Variants in SORBS2 observed in about 807,000 individuals in gnomAD.
SORBS2 encodes sorbin and SH3 domain-containing protein 2.
SORBS2 carries 46 observed loss-of-function variants against 97.7 expected under a neutral mutation model. That is an observed-to-expected ratio of 0.47 (90% CI 0.37 to 0.60). SORBS2 has a LOEUF of 0.60. Among genes scored for constraint, SORBS2 ranks in the 20% least tolerant of loss-of-function variants. SORBS2 has a pLI of 0.00. For synonymous variants in SORBS2, 476 were observed against 473.4 expected, an observed-to-expected ratio of 1.01 and a Z score of -0.07; for missense variants, 1,316 against 1,282.3, an observed-to-expected ratio of 1.03 and a Z score of -0.40.
intron 2 of SORBS2, among the ~76,000 whole-genome samples, chr4:185,688,365 TAAAG>T (rs2098014497): frequency 6.6e-6 from 1 of 152,140 alleles, no homozygotes; most frequent in South Asian, 2.1e-4. Context: ...TATCTATCAA[TAAAG>T]AGATATATTC....
At chr4:185,906,260 T>C (rs2099250775) in intron 1 of SORBS2, among the ~76,000 whole-genome samples, 2 of 151,906 alleles carry the variant, frequency 1.3e-5, no homozygotes, top group Non-Finnish European at 1.5e-5. Context: ...CTCAAACTCC[T>C]GACCTCAGGT....
At chr4:185,699,131 G>A (rs966212970) in intron 2 of SORBS2, among the ~76,000 whole-genome samples, 2 of 152,034 alleles carry the variant, frequency 1.3e-5, no homozygotes, top group African/African-American at 4.8e-5. Context: ...ACAAATTCAT[G>A]TTTATATGTG....
At chr4:185,850,347 C>T (rs541862246) in intron 1 of SORBS2, among the ~76,000 whole-genome samples, 188 of 152,312 alleles carry the variant, frequency 1.2e-3, no homozygotes, top group African/African-American at 4.3e-3. Context: ...TAACATTCTG[C>T]TGACTTGTCC....
chr4:185,920,488 C>T (rs938418140), intron 1 of SORBS2, among the ~76,000 whole-genome samples: 1 of 152,154 alleles, frequency 6.6e-6, no homozygotes, highest in African/African-American at 2.4e-5. Context: ...CATCTTGCAT[C>T]GCCATACAAA....
At chr4:185,931,101 T>C (rs1055085910) in intron 1 of SORBS2, among the ~76,000 whole-genome samples, 7 of 152,210 alleles carry the variant, frequency 4.6e-5, no homozygotes, top group Non-Finnish European at 4.4e-5. Context: ...TACACAGAAT[T>C]ACATACATTA....
intron 2 of SORBS2, among the ~76,000 whole-genome samples, chr4:185,691,214 T>C (rs72700115): frequency 6.6e-6 from 1 of 151,212 alleles, no homozygotes. Context: ...TGTTTCTTTT[T>C]TAGAGAGAGG....
chr4:185,637,052 C>G (rs2097020991), intron 4 of SORBS2, among the ~76,000 whole-genome samples: 1 of 152,220 alleles, frequency 6.6e-6, no homozygotes, highest in East Asian at 1.9e-4. Context: ...CTTTCACTAG[C>G]AAGTCTGGAA....
chr4:185,724,331 TAAA>T (rs55986616), intron 2 of SORBS2, among the ~76,000 whole-genome samples: 6 of 147,446 alleles, frequency 4.1e-5, no homozygotes, highest in Admixed American at 6.7e-5. Flanking sequence ...CCCAGAGAGT[TAAA>T]AAAAAAAAAA....
intron 1 of SORBS2, among the ~76,000 whole-genome samples, chr4:185,860,786 A>G (rs1395279156): frequency 1.3e-5 from 2 of 152,210 alleles, no homozygotes; most frequent in African/African-American, 2.4e-5. Flanking sequence ...CAGTTGGTTG[A>G]AAAAGTTAGG....
chr4:185,874,858 A>ATTTTTTTTTTTTTTTTTTT (rs111821985), intron 1 of SORBS2, among the ~76,000 whole-genome samples: 1 of 93,104 alleles, frequency 1.1e-5, no homozygotes, highest in Non-Finnish European at 2.5e-5. Context: ...CCTTACCCTG[A>ATTTTTTTTTTTTTTTTTTT]TTTTTTTTTT....
chr4:185,835,204 C>A (rs1007680965), intron 1 of SORBS2, among the ~76,000 whole-genome samples: 4 of 152,104 alleles, frequency 2.6e-5, no homozygotes, highest in Admixed American at 2.0e-4. Flanking sequence ...GAACTGTGAG[C>A]CAATTAAACC....
chr4:185,623,062 C>G lies in SORBS2; in HGVS notation c.2067G>C (p.Gln689His), dbSNP rs202143982. The G allele has an allele frequency of 3.2e-5, 52 of 1,614,106 alleles. No individual in the cohort carries two copies. In the East Asian group the frequency reaches 1.2e-3, roughly 36 times the overall value. Residue 689 changes from glutamine to histidine, a missense_variant, in exon 7 of 15, where the codon CAG becomes CAC. Coordinates refer to ENST00000418609, the Ensembl canonical transcript of SORBS2. This position sits in a 1 kb window ranked among gnomAD's most constrained non-coding sequence, Gnocchi z 6.4. Reference sequence around the variant, plus strand: ...CATCGGGAGGCAGTGGGTGGAGAGGCTGGTGCAGGGGGCTCCTCCTCAGCG... The same window carrying G: ...CATCGGGAGGCAGTGGGTGGAGAGGGTGGTGCAGGGGGCTCCTCCTCAGCG...
At chr4:185,952,028 C>T (rs951363768) in intron 1 of SORBS2, among the ~76,000 whole-genome samples, 2 of 135,118 alleles carry the variant, frequency 1.5e-5, no homozygotes, top group African/African-American at 2.6e-5. Context: ...GTTAAAATAG[C>T]TTCTTTTTTT....
At position 185,899,528 on chromosome 4, in the gene SORBS2, C is replaced by T. The variant is rs73021805; in HGVS notation, c.-338+56668G>A. Among the ~76,000 whole-genome samples the T allele has an allele frequency of 8.2e-3, 1,249 of 152,100 alleles. 19 individuals are homozygous for T. The highest frequency in any genetic ancestry group is 0.028 in the African/African-American group (1,159 of 41,504). On this transcript the variant is annotated intron_variant, in intron 1 of 20. Transcript: ENST00000284776. ...ATCCCTGCAGCCTCCTGGGTTTAAGCGATCCTCCCCCCTCAGCCTCCCCAG... is the reference window on the plus strand; with the variant it reads ...ATCCCTGCAGCCTCCTGGGTTTAAGTGATCCTCCCCCCTCAGCCTCCCCAG...
chr4:185,728,630 T>C (rs1423308422), intron 2 of SORBS2, among the ~76,000 whole-genome samples: 1 of 152,244 alleles, frequency 6.6e-6, no homozygotes, highest in Non-Finnish European at 1.5e-5. Context: ...GGAGCACTCA[T>C]TATTTTAATC....
chr4:185,774,978 C>T (rs1039166479), intron 2 of SORBS2: 2 of 151,752 alleles, frequency 1.3e-5, no homozygotes, highest in Admixed American at 1.3e-4. Flanking sequence ...CTTAATTAGA[C>T]CTCTGATCCA....
intron 4 of SORBS2, among the ~76,000 whole-genome samples, chr4:185,670,078 G>A (rs1313294687): frequency 6.6e-6 from 1 of 152,024 alleles, no homozygotes; most frequent in African/African-American, 2.4e-5. Context: ...AATTAGCCAG[G>A]CGTGATGGCA....
chr4:185,603,082 A>C (rs2096304487), intron 12 of SORBS2, among the ~76,000 whole-genome samples: 1 of 152,230 alleles, frequency 6.6e-6, no homozygotes, highest in African/African-American at 2.4e-5. Flanking sequence ...GGAAACTTAA[A>C]GAATATACGA....
At chr4:185,888,003 T>G (rs981145033) in intron 1 of SORBS2, among the ~76,000 whole-genome samples, 2 of 151,088 alleles carry the variant, frequency 1.3e-5, no homozygotes, top group Non-Finnish European at 2.9e-5. Context: ...TACATTGAAC[T>G]CATATCTTTT....
Sources: allele counts gnomAD v4.1 joint callset (sites outside exome capture counted in the v4.1 genomes callset), GRCh38; gene constraint gnomAD v4.1.1; non-coding constraint Gnocchi (gnomAD v3.1); transcripts MANE v1.5; gene names NCBI Gene and HGNC (gene_info 2026-07-23, HGNC 2026-07-21).